Variants in CDH19 observed in about 807,000 individuals in gnomAD.
The protein encoded by CDH19 is cadherin 19.
A neutral mutation model predicts 64.2 loss-of-function variants in CDH19; 67 were observed. The observed-to-expected ratio is 1.04, with a 90% CI of 0.86 to 1.28. The LOEUF (loss-of-function observed/expected upper bound fraction) is 1.28. CDH19 is among the 50% of genes most tolerant of loss of function. The pLI is 0.00. For missense variants in CDH19, 1,030 were observed against 929.0 expected, an observed-to-expected ratio of 1.11 and a Z score of -1.41; for synonymous variants, 346 against 319.3, an observed-to-expected ratio of 1.08 and a Z score of -0.89.
intron 1 of CDH19, among the ~76,000 whole-genome samples, chr18:66,580,795 C>A (rs1988399365): frequency 6.6e-6 from 1 of 152,036 alleles, no homozygotes; most frequent in Admixed American, 6.6e-5. Context: ...TGAATGGTAG[C>A]AGTAGGTATA....
At chr18:66,518,288 C>A (rs1311479454) in intron 9 of CDH19, among the ~76,000 whole-genome samples, 2 of 152,034 alleles carry the variant, frequency 1.3e-5, no homozygotes, top group Non-Finnish European at 2.9e-5. Flanking sequence ...GGCTTGAGTG[C>A]AACGGTGCGA....
At chr18:66,577,117 G>A (rs1253724700) in intron 1 of CDH19, among the ~76,000 whole-genome samples, 1 of 151,364 alleles carries the variant, frequency 6.6e-6, no homozygotes, top group Non-Finnish European at 1.5e-5. Context: ...AACTCAAAAT[G>A]GTTAAAAATG....
At chr18:66,595,135 C>A (rs1019624323) in intron 1 of CDH19, among the ~76,000 whole-genome samples, 1 of 151,860 alleles carries the variant, frequency 6.6e-6, no homozygotes, top group Non-Finnish European at 1.5e-5. Context: ...GGAAGAAGTT[C>A]TTTGAAACTA....
chr18:66,572,548 C>G (rs1988139697), intron 1 of CDH19, among the ~76,000 whole-genome samples: 1 of 151,714 alleles, frequency 6.6e-6, no homozygotes, highest in Admixed American at 6.6e-5. Flanking sequence ...AGTCATAAAT[C>G]TGCCTGAAAG....
chr18:66,502,625 G>A lies in CDH19; in HGVS notation c.*2187C>T, dbSNP rs1168271159. The A allele has an allele frequency of 2.0e-5, 3 of 151,838 alleles. No homozygotes were observed. The South Asian group carries it at 6.2e-4, about 31-fold the overall frequency. The allele number at this position is 151,838 out of a possible 1,614,324, so 9.4% of individuals were successfully genotyped here. ...AACAACACTTCATGGAATAATTCATGAAAATTTCTCTGACTATACATTTTC... is the reference window on the plus strand; with the variant it reads ...AACAACACTTCATGGAATAATTCATAAAAATTTCTCTGACTATACATTTTC... On this transcript the variant is annotated 3_prime_UTR_variant, in exon 12 of 12. Transcript: ENST00000262150.
chr18:66,555,954 T>G (rs1192939195), intron 3 of CDH19, among the ~76,000 whole-genome samples: 1 of 151,710 alleles, frequency 6.6e-6, no homozygotes, highest in Non-Finnish European at 1.5e-5. Context: ...AATCATACCA[T>G]TTTCAGAGTT....
intron 1 of CDH19, among the ~76,000 whole-genome samples, chr18:66,599,855 A>G (rs1043505356): frequency 6.6e-6 from 1 of 151,970 alleles, no homozygotes; most frequent in Admixed American, 6.6e-5. Flanking sequence ...ATGGTATAAA[A>G]CAAAACAGAA....
rs569774262 is a variant in CDH19, at chr18:66,598,321, C to T, written c.-113+5633G>A. On this transcript the variant is annotated intron_variant, in intron 1 of 11. Transcript: ENST00000262150. ...TATCACTACCATTCAACTCAGCAATCCTAGTAGTGGATTATTAACTATATA... is the reference window on the plus strand; with the variant it reads ...TATCACTACCATTCAACTCAGCAATTCTAGTAGTGGATTATTAACTATATA... 9.2e-5 allele frequency among the ~76,000 whole-genome samples: 14 copies of T among 152,168 alleles called. No homozygotes were observed. The East Asian group carries it at 2.1e-3, about 23-fold the overall frequency.
chr18:66,536,670 T>G (rs1404225193), intron 7 of CDH19, among the ~76,000 whole-genome samples: 1 of 151,688 alleles, frequency 6.6e-6, no homozygotes, highest in Admixed American at 6.6e-5. Context: ...ATGTAGCCCC[T>G]CTAGGATGTG....
chr18:66,554,041 A>G (rs1987428587), intron 4 of CDH19, among the ~76,000 whole-genome samples: 1 of 152,098 alleles, frequency 6.6e-6, no homozygotes, highest in African/African-American at 2.4e-5. Context: ...ATGACTAATG[A>G]GGCTGAGCAT....
chr18:66,590,019 A>T (rs931399665), intron 1 of CDH19, among the ~76,000 whole-genome samples: 4 of 151,938 alleles, frequency 2.6e-5, no homozygotes, highest in Non-Finnish European at 4.4e-5. Context: ...TTTATTGTGA[A>T]TGTGGAGAAT....
At position 66,505,120 on chromosome 18, in the gene CDH19, G is replaced by A. The variant is rs751067735; in HGVS notation, c.2011C>T (p.Arg671Trp). Residue 671 changes from arginine to tryptophan, a missense_variant, in exon 12 of 12, where the codon CGG becomes TGG. Transcript: ENST00000262150. ...SSTIMRERKT[R>W]KTTSAEIRSL... ...CTGATCTCAGCGCTTGTGGTTTTCC[G>A]AGTCTTGCGTTCCCGCATTATGGTA... 3.2e-5 allele frequency: 51 copies of A among 1,613,402 alleles called. No individual in the cohort carries two copies. The highest frequency in any genetic ancestry group is 4.2e-5 in the Non-Finnish European group (49 of 1,179,716).
chr18:66,580,466 AAGTT>A (rs1988390971), intron 1 of CDH19, among the ~76,000 whole-genome samples: 1 of 152,136 alleles, frequency 6.6e-6, no homozygotes, highest in African/African-American at 2.4e-5. Context: ...GCAATTAGTT[AAGTT>A]AGTAAGTCTA....
At position 66,529,999 on chromosome 18, in the gene CDH19, CAT is replaced by C. The variant is rs34892363; in HGVS notation, c.1337-35_1337-34del. On this transcript the variant is annotated intron_variant, in intron 8 of 11. Coordinates refer to ENST00000262150, the MANE Select transcript of CDH19 (RefSeq NM_021153.4). ...TTGAATATATATAATAAAAATCTAA[CAT>C]ATTTTAATATGTCTTTAGAAGAGAC... is the stretch of plus-strand genomic sequence containing the variant. The C allele has an allele frequency of 0.016, 18,456 of 1,125,512 alleles. 1,809 individuals carry two copies. The African/African-American group carries it at 0.24, about 15-fold the overall frequency. The allele number at this position is 1,125,512 out of a possible 1,614,324, so 69.7% of individuals were successfully genotyped here. A position where few individuals can be genotyped will look rare whatever the true frequency, so the allele number is the denominator to read the frequency against.
intron 7 of CDH19, among the ~76,000 whole-genome samples, chr18:66,535,565 A>G (rs975857411): frequency 2.7e-5 from 4 of 148,746 alleles, no homozygotes; most frequent in Non-Finnish European, 6.0e-5. Flanking sequence ...CTTTTGGGAA[A>G]CCTGAAAGAC....
chr18:66,549,437 G>C (rs1987257167), intron 5 of CDH19, among the ~76,000 whole-genome samples: 1 of 151,818 alleles, frequency 6.6e-6, no homozygotes, highest in Non-Finnish European at 1.5e-5. Context: ...TAAAGTTCTG[G>C]GTATTTCATA....
At chr18:66,513,437 A>G (rs1335911500) in intron 9 of CDH19, among the ~76,000 whole-genome samples, 1 of 151,490 alleles carries the variant, frequency 6.6e-6, no homozygotes, top group Middle Eastern at 3.2e-3. Flanking sequence ...TTTCATAATT[A>G]CTTTATAAAA....
At chr18:66,571,160 A>G (rs906598451) in intron 2 of CDH19, among the ~76,000 whole-genome samples, 2 of 151,456 alleles carry the variant, frequency 1.3e-5, no homozygotes, top group African/African-American at 4.8e-5. Flanking sequence ...CTTGCCTAAA[A>G]TCCTAATCTA....
intron 5 of CDH19, among the ~76,000 whole-genome samples, chr18:66,546,356 A>G (rs1254786386): frequency 6.6e-6 from 1 of 152,200 alleles, no homozygotes. Flanking sequence ...TGTTATTGGA[A>G]GATTAAAAAT....
Sources: allele counts gnomAD v4.1 joint callset (sites outside exome capture counted in the v4.1 genomes callset), GRCh38; gene constraint gnomAD v4.1.1; transcripts MANE v1.5; gene names NCBI Gene and HGNC (gene_info 2026-07-23, HGNC 2026-07-21).